The following NEK4 variants were observed in gnomAD, a reference collection of about 807,000 sequenced individuals.
NEK4 encodes the protein serine/threonine-protein kinase Nek4.
A neutral mutation model predicts 98.4 loss-of-function variants in NEK4; 86 were observed. The ratio of observed to expected loss-of-function variants is 0.87; its 90% CI spans 0.73 to 1.05. The LOEUF (loss-of-function observed/expected upper bound fraction) is 1.05, where lower values mean the gene tolerates loss of function less well. Among genes scored for constraint, NEK4 ranks in the 50% least tolerant of loss-of-function variants. The pLI is 0.00. For synonymous variants in NEK4, 328 were observed against 342.2 expected, an observed-to-expected ratio of 0.96 and a Z score of 0.46; for missense variants, 898 against 950.3, an observed-to-expected ratio of 0.94 and a Z score of 0.72.
intron 15 of NEK4, among the ~76,000 whole-genome samples, chr3:52,725,118 T>C (rs1168801616): frequency 6.6e-6 from 1 of 152,244 alleles, no homozygotes; most frequent in Non-Finnish European, 1.5e-5. Flanking sequence ...TAAAAGCTAA[T>C]ATTACTGTAA....
At chr3:52,755,694 A>G (rs2097414068) in intron 6 of NEK4, among the ~76,000 whole-genome samples, 1 of 152,092 alleles carries the variant, frequency 6.6e-6, no homozygotes, top group Non-Finnish European at 1.5e-5. Context: ...AGCCAGAGCA[A>G]TTAGGCAAGG....
At chr3:52,765,325 T>C (rs1416343381) in intron 4 of NEK4, among the ~76,000 whole-genome samples, 1 of 141,426 alleles carries the variant, frequency 7.1e-6, no homozygotes, top group Non-Finnish European at 1.5e-5. Context: ...CACTCCAGCC[T>C]GGGAGACAAG....
intron 15 of NEK4, among the ~76,000 whole-genome samples, chr3:52,730,070 G>C (rs1440761637): frequency 6.6e-6 from 1 of 152,136 alleles, no homozygotes; most frequent in African/African-American, 2.4e-5. Context: ...ATTGCGCCAT[G>C]GCACTCTAGC....
At position 52,743,464 on chromosome 3, in the gene NEK4, G is replaced by A. The variant is rs1223648703; in HGVS notation, c.1895-3C>T. ...AGACGCTTTCCTCACTGAAGGGCCT[G>A]AAAAGGCAAACATCCCCAGTAGTTG... On this transcript the variant is annotated splice_polypyrimidine_tract_variant and splice_region_variant and intron_variant, in intron 11 of 15. Transcript: ENST00000233027. 6.2e-7 allele frequency: 1 copy of A among 1,612,274 alleles called. No individual in the cohort carries two copies.
intron 15 of NEK4, among the ~76,000 whole-genome samples, chr3:52,717,246 A>G (rs1013502584): frequency 1.3e-5 from 2 of 152,028 alleles, no homozygotes; most frequent in Non-Finnish European, 2.9e-5. Context: ...CATCTCTACT[A>G]AAAATACAAA....
rs1471434074 is a variant in NEK4, at chr3:52,720,845, A to AT, written c.2434-8977dup. ...AAACACAAGAGTGCTGGTAAAGGTA[A>AT]TTATAAAACACAATACAAACACATT... On this transcript the variant is annotated intron_variant, in intron 15 of 15. Transcript: ENST00000233027. Among the ~76,000 whole-genome samples, 9 of 152,336 alleles carry AT rather than the reference A, an allele frequency of 5.9e-5. No homozygotes were observed. The South Asian group carries it at 1.9e-3, about 32-fold the overall frequency.
intron 7 of NEK4, among the ~76,000 whole-genome samples, chr3:52,750,983 C>A (rs1460292277): frequency 6.6e-6 from 1 of 152,134 alleles, no homozygotes; most frequent in Non-Finnish European, 1.5e-5. Context: ...GTACATCCTA[C>A]ATCATAGATA....
chr3:52,737,810 TTTATTTATTTATTTTA>T, intron 14 of NEK4, 91 bp from the exon 15 acceptor site: 1 of 917,970 alleles, frequency 1.1e-6, no homozygotes, highest in Non-Finnish European at 1.6e-6. Flanking sequence ...TGTATTTTAT[TTTATTTATTTATTTTA>T]TTTTTGAGAC....
intron 15 of NEK4, among the ~76,000 whole-genome samples, chr3:52,728,868 G>C (rs1432479404): frequency 6.6e-6 from 1 of 152,156 alleles, no homozygotes; most frequent in South Asian, 2.1e-4. Flanking sequence ...ATGTGGTTGA[G>C]ATAAGGACTG....
At chr3:52,718,081 A>ACTGCACCTGGCCT (rs1369239357) in intron 15 of NEK4, among the ~76,000 whole-genome samples, 1 of 152,086 alleles carries the variant, frequency 6.6e-6, no homozygotes, top group Admixed American at 6.6e-5. Context: ...GGCGTGAGCT[A>ACTGCACCTGGCCT]CTGCACCTGG....
At chr3:52,751,455 C>CAAAAA (rs11426928) in intron 7 of NEK4, among the ~76,000 whole-genome samples, 1 of 125,566 alleles carries the variant, frequency 8.0e-6, no homozygotes, top group Non-Finnish European at 1.7e-5. Flanking sequence ...GACTCTGTCT[C>CAAAAA]AAAAAAAAAA....
At position 52,739,559 on chromosome 3, in the gene NEK4, G is replaced by A; in HGVS notation, c.2169C>T (p.Ser723=). 1 of 1,614,068 alleles carries A rather than the reference G, an allele frequency of 6.2e-7. No individual in the cohort carries two copies. Among genetic ancestry groups the A allele is most frequent in the Non-Finnish European group, 8.5e-7 (1 of 1,179,950 alleles). The change falls in exon 14 of 16, where the codon AGC becomes AGT. Residue 723 remains serine (S), a synonymous_variant. Transcript: ENST00000233027. The part of the protein sequence containing the change: ...TQTLKLDSKE[S]CEDVPVANPV... ...GGTTTGCTACCGGGACATCTTCACAGCTCTCTTTAGAATCCAGTTTCAGGG... is the reference window on the plus strand; with the variant it reads ...GGTTTGCTACCGGGACATCTTCACAACTCTCTTTAGAATCCAGTTTCAGGG...
intron 15 of NEK4, chr3:52,733,606 G>C (rs1027009473): frequency 2.0e-6 from 1 of 508,332 alleles, no homozygotes; most frequent in Non-Finnish European, 3.9e-6. Flanking sequence ...CCTTACAAAT[G>C]TAACAAACGT....
intron 5 of NEK4, among the ~76,000 whole-genome samples, chr3:52,762,952 G>A (rs879459551): frequency 2.0e-5 from 3 of 152,168 alleles, no homozygotes; most frequent in Non-Finnish European, 4.4e-5. Flanking sequence ...CCAGAAAGCA[G>A]AAGATAAAAC....
intron 2 of NEK4, among the ~76,000 whole-genome samples, chr3:52,766,871 A>G (rs997287640): frequency 6.6e-6 from 1 of 152,078 alleles, no homozygotes; most frequent in Non-Finnish European, 1.5e-5. Flanking sequence ...CTGTAGTCCC[A>G]GCTACTCGGG....
At chr3:52,766,972 G>A (rs528571760) in intron 2 of NEK4, among the ~76,000 whole-genome samples, 18 of 150,718 alleles carry the variant, frequency 1.2e-4, no homozygotes, top group Non-Finnish European at 2.2e-4. Flanking sequence ...CGGCCTGGGC[G>A]ACAGAGCGAG....
Position 52,752,121 on chromosome 3 carries a change from G to A in NEK4, c.1179C>T (p.Ala393=). The A allele has an allele frequency of 6.2e-7, 1 of 1,614,160 alleles. No homozygotes were observed. Among genetic ancestry groups the A allele is most frequent in the Non-Finnish European group, 8.5e-7 (1 of 1,180,026 alleles). Residue 393 remains alanine (A), a synonymous_variant, in exon 7 of 16, where the codon GCC becomes GCT. Transcript: ENST00000233027. Reference sequence around the variant, plus strand: ...TGCATATACCTCCTAACTCATTAGAGGCATCCAAATATCTTGGCTGATTCT... The same window carrying A: ...TGCATATACCTCCTAACTCATTAGAAGCATCCAAATATCTTGGCTGATTCT... ...VQENQPRYLD[A]SNELGGICSI...
chr3:52,770,888 G>T lies in NEK4; in HGVS notation c.-142C>A. The T allele has an allele frequency of 1.5e-6, 1 of 683,020 alleles. No homozygotes were observed. The highest frequency in any genetic ancestry group is 1.8e-5 in the South Asian group (1 of 54,424). The allele number at this position is 683,020 out of a possible 1,614,324, so 42.3% of individuals were successfully genotyped here. Reference sequence around the variant, plus strand: ...GCCGGGCCCGGGCGGGATTGCTGGGGCCCGGCCCGCGACGACGCCGCTGCC... The same window carrying T: ...GCCGGGCCCGGGCGGGATTGCTGGGTCCCGGCCCGCGACGACGCCGCTGCC... On this transcript the variant is annotated 5_prime_UTR_variant, in exon 1 of 16. Transcript: ENST00000233027.
chr3:52,726,841 T>C (rs146235454), intron 15 of NEK4, among the ~76,000 whole-genome samples: 136 of 151,308 alleles, frequency 9.0e-4, no homozygotes, highest in African/African-American at 3.1e-3. Flanking sequence ...GAGGCGGAGG[T>C]TGCAGTGAGC....
Sources: allele counts gnomAD v4.1 joint callset (sites outside exome capture counted in the v4.1 genomes callset), GRCh38; gene constraint gnomAD v4.1.1; transcripts MANE v1.5; gene names NCBI Gene and HGNC (gene_info 2026-07-23, HGNC 2026-07-21).